NCS1: variants seen among roughly 807,000 people sequenced by gnomAD.
NCS1 encodes the protein frequenin homolog.
In NCS1, 6 loss-of-function variants were observed where a neutral mutation model predicts 28.4. The observed-to-expected ratio is 0.21, with a 90% confidence interval of 0.12 to 0.42. NCS1 has a LOEUF of 0.42. NCS1 is among the 10% of genes least tolerant of loss of function. The pLI, the probability that NCS1 is intolerant of heterozygous loss-of-function variation, is 1.00. For synonymous variants in NCS1, 86 were observed against 99.3 expected, an observed-to-expected ratio of 0.87 and a Z score of 0.79; for missense variants, 131 against 241.4, an observed-to-expected ratio of 0.54 and a Z score of 3.03.
At chr9:130,221,399 T>C (rs1489026338) in intron 4 of NCS1, among the ~76,000 whole-genome samples, 1 of 50,008 alleles carries the variant, frequency 2.0e-5, no homozygotes, top group East Asian at 4.0e-4. Flanking sequence ...TATATATATA[T>C]ATATATATAT....
chr9:130,204,739 C>T (rs1004008498), intron 2 of NCS1, among the ~76,000 whole-genome samples: 3 of 152,148 alleles, frequency 2.0e-5, no homozygotes, highest in Non-Finnish European at 4.4e-5. Context: ...TGTGCTAATT[C>T]ACATAAGACG....
rs1833513100 is a variant in NCS1, at chr9:130,232,610, G to A, written c.*18-380G>A. ...AGCCTGGCCAAGATGGTGAAACCCT[G>A]TCTCTACTAAAAAATGCAAAAAGAA... On this transcript the variant is annotated intron_variant, in intron 7 of 7. Transcript: ENST00000372398. The surrounding 1 kb of genome is among the most constrained non-coding windows in gnomAD (Gnocchi z 4.4). Among the ~76,000 whole-genome samples the A allele has an allele frequency of 6.6e-6, 1 of 152,058 alleles. No individual in the cohort carries two copies. Among genetic ancestry groups the A allele is most frequent in the African/African-American group, 2.4e-5 (1 of 41,406 alleles).
intron 2 of NCS1, among the ~76,000 whole-genome samples, chr9:130,207,471 C>T (rs1833041278): frequency 6.6e-6 from 1 of 152,242 alleles, no homozygotes; most frequent in Non-Finnish European, 1.5e-5. Context: ...CTCGGCATGG[C>T]TTGTTCTGTC....
chr9:130,175,270 C>A lies in NCS1; in HGVS notation c.64+2543C>A, dbSNP rs79909396. Among the ~76,000 whole-genome samples the A allele has an allele frequency of 9.9e-5, 15 of 152,128 alleles. No homozygotes were observed. The highest frequency in any genetic ancestry group is 1.3e-4 in the Non-Finnish European group (9 of 68,038). ...AGAGAAAGCTTCCAGCTTGTTCTCCCGCCCCCAGATGGGCTTCCTTCTGAT... is the reference window on the plus strand; with the variant it reads ...AGAGAAAGCTTCCAGCTTGTTCTCCAGCCCCCAGATGGGCTTCCTTCTGAT... On this transcript the variant is annotated intron_variant, in intron 1 of 7. Coordinates refer to ENST00000372398, the MANE Select transcript of NCS1 (RefSeq NM_014286.4). This position sits in a 1 kb window ranked among gnomAD's most constrained non-coding sequence, Gnocchi z 4.9.
intron 2 of NCS1, among the ~76,000 whole-genome samples, chr9:130,206,467 G>A (rs2131140475): frequency 6.9e-6 from 1 of 144,676 alleles, no homozygotes; most frequent in African/African-American, 2.6e-5. Context: ...AGAGTGCAGT[G>A]GCACGATCTC....
At chr9:130,189,140 C>T (rs1387372001) in intron 1 of NCS1, among the ~76,000 whole-genome samples, 3 of 152,182 alleles carry the variant, frequency 2.0e-5, no homozygotes, top group Non-Finnish European at 4.4e-5. Flanking sequence ...TGCTGTGTCC[C>T]TGGAGCCTGG....
intron 1 of NCS1, among the ~76,000 whole-genome samples, chr9:130,196,212 G>A (rs1832876687): frequency 6.6e-6 from 1 of 152,216 alleles, no homozygotes; most frequent in South Asian, 2.1e-4. Flanking sequence ...CAGTGGGGAG[G>A]GGAGGCAGGC....
intron 2 of NCS1, 89 bp from the exon 3 acceptor site, chr9:130,217,743 T>C (rs1483259260): frequency 6.3e-7 from 1 of 1,592,380 alleles, no homozygotes; most frequent in African/African-American, 1.3e-5. Context: ...GAGCCACAGC[T>C]TTCCTGGGCC....
intron 6 of NCS1, among the ~76,000 whole-genome samples, chr9:130,225,813 C>T (rs556307694): frequency 2.0e-5 from 3 of 152,300 alleles, no homozygotes; most frequent in South Asian, 2.1e-4. Context: ...AGGTGCTCTC[C>T]GTGGCCTTTT....
intron 2 of NCS1, among the ~76,000 whole-genome samples, chr9:130,205,841 A>G (rs1008790688): frequency 8.6e-5 from 13 of 151,962 alleles, no homozygotes; most frequent in Non-Finnish European, 1.8e-4. Flanking sequence ...CTTAAAAAAA[A>G]AAAAAAGATA....
In NCS1 at chr9:130,236,763, G is replaced by T. The variant is rs201757038; in HGVS notation, c.*3791G>T. The T allele has an allele frequency of 6.6e-6, 1 of 152,092 alleles. No individual in the cohort carries two copies. Among genetic ancestry groups the T allele is most frequent in the Non-Finnish European group, 1.5e-5 (1 of 68,058 alleles). 9.4% of individuals were successfully genotyped at this position (152,092 alleles called of 1,614,324 possible). ...TGTCCCTGTTCCTGCAGTGGCTCCCGGCCCCAGGGAGGCCCACCTCACTCC... is the reference window on the plus strand; with the variant it reads ...TGTCCCTGTTCCTGCAGTGGCTCCCTGCCCCAGGGAGGCCCACCTCACTCC... On this transcript the variant is annotated 3_prime_UTR_variant, in exon 8 of 8. Transcript: ENST00000372398.
Position 130,202,205 on chromosome 9 carries a change from C to T in NCS1, c.89+1223C>T, listed in dbSNP as rs140830437. 5.9e-5 allele frequency among the ~76,000 whole-genome samples: 9 copies of T among 152,342 alleles called. No individual in the cohort carries two copies. In the East Asian group the frequency reaches 1.7e-3, roughly 29 times the overall value. On this transcript the variant is annotated intron_variant, in intron 2 of 7. Transcript: ENST00000372398. ...CTGTTGACCCCTGCAGTCTGGCGTCCTCTGCCTGTTGGCCTTTGCCCTTTA... is the reference window on the plus strand; with the variant it reads ...CTGTTGACCCCTGCAGTCTGGCGTCTTCTGCCTGTTGGCCTTTGCCCTTTA...
rs1588108010 is a variant in NCS1 at position 130,180,857 on chromosome 9, A to T, written c.64+8130A>T. Among the ~76,000 whole-genome samples the T allele has an allele frequency of 2.6e-5, 4 of 152,266 alleles. No individual in the cohort carries two copies. Among genetic ancestry groups the T allele is most frequent in the Admixed American group, 2.6e-4 (4 of 15,294 alleles). Reference sequence around the variant, plus strand: ...GCTGAATTGGGAGCGAGTGGCAAACATGGAGGGCCTCTGTGGTGGCCCGGC... The same window carrying T: ...GCTGAATTGGGAGCGAGTGGCAAACTTGGAGGGCCTCTGTGGTGGCCCGGC... On this transcript the variant is annotated intron_variant, in intron 1 of 7. Coordinates refer to ENST00000372398, the MANE Select transcript of NCS1 (RefSeq NM_014286.4). This position sits in a 1 kb window ranked among gnomAD's most constrained non-coding sequence, Gnocchi z 4.5.
rs1833074392 is a variant in NCS1, at chr9:130,209,107, A to G, written c.89+8125A>G. ...CATGCCACTGGAGAGAGTTGTTTGAAGAGATAATGGGAGAATAATTTGCCG... is the reference window on the plus strand; with the variant it reads ...CATGCCACTGGAGAGAGTTGTTTGAGGAGATAATGGGAGAATAATTTGCCG... On this transcript the variant is annotated intron_variant, in intron 2 of 7. Coordinates refer to ENST00000372398, the MANE Select transcript of NCS1 (RefSeq NM_014286.4). The surrounding 1 kb of genome is among the most constrained non-coding windows in gnomAD (Gnocchi z 4.4). 6.6e-6 allele frequency among the ~76,000 whole-genome samples: 1 copy of G among 152,152 alleles called. No homozygotes were observed. The highest frequency in any genetic ancestry group is 1.5e-5 in the Non-Finnish European group (1 of 68,020).
At chr9:130,216,561 C>G (rs1318802147) in intron 2 of NCS1, among the ~76,000 whole-genome samples, 1 of 152,036 alleles carries the variant, frequency 6.6e-6, no homozygotes, top group Non-Finnish European at 1.5e-5. Flanking sequence ...ACTAAAAATA[C>G]AAAAATTAGC....
intron 2 of NCS1, among the ~76,000 whole-genome samples, chr9:130,205,908 A>G (rs994400553): frequency 2.0e-5 from 3 of 151,840 alleles, no homozygotes; most frequent in Non-Finnish European, 4.4e-5. Context: ...GTGTGTCTCA[A>G]GTAAATATCC....
rs546937792 is a variant in NCS1, at chr9:130,178,780, C to T, written c.64+6053C>T. On this transcript the variant is annotated intron_variant, in intron 1 of 7. Transcript: ENST00000372398. ...TGAACTGGAGTATCGGTGGGGATGA[C>T]ATGAAAGACAGATTCCAGATATATT... Among the ~76,000 whole-genome samples, 11 of 133,218 alleles carry T rather than the reference C, an allele frequency of 8.3e-5. No individual in the cohort carries two copies. In the South Asian group the frequency reaches 2.8e-3, roughly 34 times the overall value. 87.4% of individuals were successfully genotyped at this position (133,218 alleles called of 152,430 possible).
chr9:130,181,195 C>T lies in NCS1; in HGVS notation c.64+8468C>T, dbSNP rs1159271297. 6.6e-6 allele frequency among the ~76,000 whole-genome samples: 1 copy of T among 152,096 alleles called. No homozygotes were observed. The highest frequency in any genetic ancestry group is 1.5e-5 in the Non-Finnish European group (1 of 68,018). ...GGCTGTGGTGTTCAAGACCCAGGCC[C>T]TTGGATCTTCTCAGCCTCAGGCATG... On this transcript the variant is annotated intron_variant, in intron 1 of 7. Transcript: ENST00000372398. This position sits in a 1 kb window ranked among gnomAD's most constrained non-coding sequence, Gnocchi z 5.0.
In NCS1 at chr9:130,216,274, A is replaced by C. The variant is rs1186619676; in HGVS notation, c.90-1558A>C. ...TGTGGATCACATTAGAATGGGGGACAGTGGGACGTGTGAAAGTCTTCGGTG... is the reference window on the plus strand; with the variant it reads ...TGTGGATCACATTAGAATGGGGGACCGTGGGACGTGTGAAAGTCTTCGGTG... On this transcript the variant is annotated intron_variant, in intron 2 of 7. Coordinates refer to ENST00000372398, the MANE Select transcript of NCS1 (RefSeq NM_014286.4). Among the ~76,000 whole-genome samples the C allele has an allele frequency of 6.6e-5, 10 of 152,294 alleles. 1 individual carries two copies. The South Asian group carries it at 1.7e-3, about 25-fold the overall frequency.
Sources: allele counts gnomAD v4.1 joint callset (sites outside exome capture counted in the v4.1 genomes callset), GRCh38; gene constraint gnomAD v4.1.1; non-coding constraint Gnocchi (gnomAD v3.1); transcripts MANE v1.5; gene names NCBI Gene and HGNC (gene_info 2026-07-23, HGNC 2026-07-21).